The following RYR1 variants were observed in gnomAD, a reference collection of about 807,000 sequenced individuals.
RYR1 encodes the protein ryanodine receptor 1, also known as central core disease of muscle.
In RYR1, 342 loss-of-function variants were observed where a neutral mutation model predicts 583.5. That is an observed-to-expected ratio of 0.59 (90% CI 0.54 to 0.64). The LOEUF (loss-of-function observed/expected upper bound fraction) is 0.64, where lower values mean the gene tolerates loss of function less well. RYR1 is among the 30% of genes least tolerant of loss of function. The pLI, the probability that RYR1 is intolerant of heterozygous loss-of-function variation, is 0.00. For missense variants in RYR1, 6,032 were observed against 6,917.2 expected, an observed-to-expected ratio of 0.87 and a Z score of 4.54; for synonymous variants, 2,791 against 2,822.5, an observed-to-expected ratio of 0.99 and a Z score of 0.35.
chr19:38,475,553 A>G, intron 29 of RYR1, 103 bp downstream of exon 29: 2 of 1,402,784 alleles, frequency 1.4e-6, no homozygotes, highest in Non-Finnish European at 2.0e-6. Context: ...CCCACCTTAC[A>G]CTGGGGACTC....
intron 28 of RYR1, 47 bp downstream of exon 28, chr19:38,473,818 CCCCCAAGT>C: frequency 7.1e-7 from 1 of 1,410,682 alleles, no homozygotes; most frequent in Non-Finnish European, 9.4e-7. Context: ...TGCCTTGGGA[CCCCCAAGT>C]AGGCAACCAC....
chr19:38,451,202 G>A (rs757498155), intron 11 of RYR1, among the ~76,000 whole-genome samples: 1 of 152,240 alleles, frequency 6.6e-6, no homozygotes, highest in African/African-American at 2.4e-5. Context: ...CAAGGGCGTA[G>A]AGACGGGGCC....
At chr19:38,502,443 A>G in intron 47 of RYR1, 64 bp from the exon 48 acceptor site, 1 of 1,478,022 alleles carries the variant, frequency 6.8e-7, no homozygotes, top group South Asian at 1.2e-5. Flanking sequence ...CAGTCGCTCA[A>G]GACAGGTGCC....
intron 39 of RYR1, among the ~76,000 whole-genome samples, 160 bp downstream of exon 39, chr19:38,494,785 C>T (rs558265542): frequency 6.6e-6 from 1 of 152,132 alleles, no homozygotes; most frequent in Admixed American, 6.6e-5. Flanking sequence ...CCTTCCCTTA[C>T]CTCTCCGCCC....
chr19:38,569,204 G>T (rs1055618743), intron 93 of RYR1, among the ~76,000 whole-genome samples: 4 of 152,082 alleles, frequency 2.6e-5, no homozygotes, highest in Non-Finnish European at 5.9e-5. Context: ...TAGAAACGGG[G>T]TTTCACCGTG....
intron 48 of RYR1, 71 bp from the exon 49 acceptor site, chr19:38,502,809 G>GCAGGGGGAGGAGCAGGGA: frequency 2.0e-6 from 2 of 991,584 alleles, no homozygotes; most frequent in South Asian, 3.8e-5. Flanking sequence ...AGGGGCAGGG[G>GCAGGGGGAGGAGCAGGGA]GAGGAGCAGG....
rs1271425451 is a variant in RYR1 at position 38,458,105 on chromosome 19, A to G, written c.1980A>G (p.Lys660=). The part of the protein sequence containing the change: ...GRAEGTTQYS[K]WYFEVMVDEV... ...CGGAAGGCACCACGCAGTACAGCAA[A>G]TGGTACTTTGAGGTGATGGTGGACG... The change falls in exon 18 of 106, where the codon AAA becomes AAG. Residue 660 remains lysine (K), a synonymous_variant. Transcript: ENST00000359596. 6 of 1,613,712 alleles carry G rather than the reference A, an allele frequency of 3.7e-6. No homozygotes were observed. Among genetic ancestry groups the G allele is most frequent in the African/African-American group, 1.3e-5 (1 of 74,852 alleles).
chr19:38,477,131 A>C (rs1399834630), intron 29 of RYR1, among the ~76,000 whole-genome samples: 1 of 152,142 alleles, frequency 6.6e-6, no homozygotes, highest in Admixed American at 6.5e-5. Context: ...GTGAGCAATT[A>C]TTTAATTATT....
Position 38,463,456 on chromosome 19 carries a change from G to A in RYR1, c.2611G>A (p.Glu871Lys), listed in dbSNP as rs267605463. Residue 871 changes from glutamate to lysine, a missense_variant, in exon 21 of 106, where the codon GAG (glutamate) becomes AAG (lysine). Around this residue, in one of 11 missense-constraint regions of RYR1, gnomAD observed 2,627 missense variants for 2,961.3 expected, o/e 0.89. Transcript: ENST00000359596. ...VLPPHLERIR[E>K]KLAENIHELW... ...GCCGCCCCATCTGGAGCGCATTCGG[G>A]AGAAGCTGGCGGAGAACATCCACGA... 1 of 1,613,976 alleles carries A rather than the reference G, an allele frequency of 6.2e-7. No homozygotes were observed. The highest frequency in any genetic ancestry group is 1.3e-5 in the African/African-American group (1 of 75,058).
chr19:38,481,452 A>G (rs945754175), intron 31 of RYR1, among the ~76,000 whole-genome samples: 1 of 152,184 alleles, frequency 6.6e-6, no homozygotes, highest in African/African-American at 2.4e-5. Flanking sequence ...GACCAGGGTC[A>G]TATATTTTAG....
chr19:38,466,087 G>A lies in RYR1; in HGVS notation c.2871-4G>A, dbSNP rs762932739. ...TGTCCCATGGAGCCCTACCATGCCC[G>A]CAGGTATATGATGAGCAATGGGTAC... On this transcript the variant is annotated splice_polypyrimidine_tract_variant and splice_region_variant and intron_variant, in intron 23 of 105. Coordinates refer to ENST00000359596, the MANE Select transcript of RYR1 (RefSeq NM_000540.3). The A allele has an allele frequency of 8.7e-6, 14 of 1,606,278 alleles. No individual in the cohort carries two copies. Among genetic ancestry groups the A allele is most frequent in the Middle Eastern group, 1.6e-4 (1 of 6,070 alleles).
chr19:38,441,190 A>G (rs1972661560), intron 2 of RYR1, among the ~76,000 whole-genome samples: 1 of 124,288 alleles, frequency 8.0e-6, no homozygotes, highest in African/African-American at 3.0e-5. Context: ...GTAGCCTGAG[A>G]GTCCAGAAGA....
chr19:38,584,910 T>C, intron 101 of RYR1, 33 bp from the exon 102 acceptor site: 1 of 1,613,084 alleles, frequency 6.2e-7, no homozygotes, highest in Non-Finnish European at 8.5e-7. Context: ...GAATGTCGAA[T>C]GAATGAGTGA....
intron 39 of RYR1, among the ~76,000 whole-genome samples, chr19:38,494,853 C>CCCT (rs1969739183): frequency 7.9e-6 from 1 of 127,382 alleles, no homozygotes; most frequent in Non-Finnish European, 1.6e-5. Flanking sequence ...CCACCCCCCC[C>CCCT]TTTTTTTTTT....
At chr19:38,503,103 C>T in intron 49 of RYR1, 133 bp downstream of exon 49, 1 of 833,136 alleles carries the variant, frequency 1.2e-6, no homozygotes, top group Non-Finnish European at 2.0e-6. Flanking sequence ...GCAGCGTCCC[C>T]GTAGAAATCT....
rs1379091913 is a variant in RYR1, at chr19:38,463,860, C to T, written c.2786+10C>T. ...CTGGGGAGACGCTCAAGTGAGGGCC[C>T]AGGGGAGCCGGGGGTTGGGGCTGGC... is the stretch of plus-strand genomic sequence containing the variant. On this transcript the variant is annotated intron_variant, in intron 22 of 105. Transcript: ENST00000359596. 2 of 1,609,796 alleles carry T rather than the reference C, an allele frequency of 1.2e-6. No individual in the cohort carries two copies. The highest frequency in any genetic ancestry group is 3.3e-5 in the Admixed American group (2 of 59,894).
chr19:38,535,333 T>C lies in RYR1; in HGVS notation c.11457T>C (p.Leu3819=). 6.2e-7 allele frequency: 1 copy of C among 1,614,132 alleles called. No individual in the cohort carries two copies. The highest frequency in any genetic ancestry group is 8.5e-7 in the Non-Finnish European group (1 of 1,179,986). The part of the protein sequence containing the change: ...AEVQQKMLDY[L]KDKKEVGFFQ... ...CTCTGCAGAAAATGCTGGATTATCT[T>C]AAGGACAAGAAGGAAGTTGGCTTCT... The change falls in exon 81 of 106, where the codon CTT becomes CTC. Residue 3819 remains leucine (L), a synonymous_variant. Transcript: ENST00000359596.
At chr19:38,509,181 C>T (rs1022323209) in intron 58 of RYR1, among the ~76,000 whole-genome samples, 5 of 152,158 alleles carry the variant, frequency 3.3e-5, no homozygotes, top group Admixed American at 3.3e-4. Context: ...TGCACATCCC[C>T]CTGACAATTC....
intron 84 of RYR1, among the ~76,000 whole-genome samples, chr19:38,542,151 G>A (rs1230243183): frequency 6.7e-6 from 1 of 149,616 alleles, no homozygotes; most frequent in African/African-American, 2.5e-5. Flanking sequence ...AATACTGCAT[G>A]ACACATAGTA....
Sources: allele counts gnomAD v4.1 joint callset (sites outside exome capture counted in the v4.1 genomes callset), GRCh38; gene constraint gnomAD v4.1.1; regional missense constraint gnomAD v4.1.1; transcripts MANE v1.5; gene names NCBI Gene and HGNC (gene_info 2026-07-23, HGNC 2026-07-21).